The following IPP variants were observed in gnomAD, a reference collection of about 807,000 sequenced individuals.
The protein encoded by IPP is actin-binding protein IPP.
In IPP, 41 loss-of-function variants were observed where a neutral mutation model predicts 64.1. The ratio of observed to expected loss-of-function variants is 0.64; its 90% CI spans 0.50 to 0.83. IPP has a LOEUF of 0.83. Among genes scored for constraint, IPP ranks in the 40% least tolerant of loss-of-function variants. The pLI, the probability that IPP is intolerant of heterozygous loss-of-function variation, is 0.00. For synonymous variants in IPP, 214 were observed against 235.2 expected, an observed-to-expected ratio of 0.91 and a Z score of 0.83; for missense variants, 649 against 703.0, an observed-to-expected ratio of 0.92 and a Z score of 0.87.
intron 3 of IPP, among the ~76,000 whole-genome samples, chr1:45,736,444 G>A (rs969227136): frequency 7.2e-5 from 11 of 151,800 alleles, no homozygotes; most frequent in Non-Finnish European, 1.0e-4. Context: ...AAAAATCTAC[G>A]CATTTCATGT....
At chr1:45,727,099 G>T (rs1469459187) in intron 5 of IPP, among the ~76,000 whole-genome samples, 1 of 151,998 alleles carries the variant, frequency 6.6e-6, no homozygotes, top group Non-Finnish European at 1.5e-5. Context: ...ACCCAGGCTG[G>T]AGTACAGTGG....
intron 8 of IPP, among the ~76,000 whole-genome samples, chr1:45,704,576 T>C (rs1645493932): frequency 6.6e-6 from 1 of 152,070 alleles, no homozygotes; most frequent in African/African-American, 2.4e-5. Context: ...ATTTACAACA[T>C]GGAAAGGGAG....
intron 5 of IPP, among the ~76,000 whole-genome samples, chr1:45,720,512 A>C (rs1397177988): frequency 6.6e-6 from 1 of 152,242 alleles, no homozygotes; most frequent in East Asian, 1.9e-4. Flanking sequence ...ATTTTTTAAT[A>C]GATTTGACAA....
In IPP at chr1:45,699,816, A is replaced by G; in HGVS notation, c.*150T>C. 8 of 1,445,432 alleles carry G rather than the reference A, an allele frequency of 5.5e-6. No individual in the cohort carries two copies. The highest frequency in any genetic ancestry group is 7.2e-6 in the Non-Finnish European group (8 of 1,103,880). 89.5% of individuals were successfully genotyped at this position (1,445,432 alleles called of 1,614,324 possible). ...GTGCTGGGATTATAGGCATGAGGCC[A>G]CTGCGCCCAGCCTCGTTAGTCATTT... On this transcript the variant is annotated 3_prime_UTR_variant, in exon 9 of 9. Coordinates refer to ENST00000396478, the MANE Select transcript of IPP (RefSeq NM_005897.3).
chr1:45,698,636 T>C, downstream of IPP: 3 of 955,654 alleles, frequency 3.1e-6, no homozygotes, highest in Non-Finnish European at 2.5e-6. Flanking sequence ...AGCTTGATAA[T>C]CTAATAAAAT....
At chr1:45,701,721 A>G (rs1273879056) in intron 8 of IPP, among the ~76,000 whole-genome samples, 1 of 152,236 alleles carries the variant, frequency 6.6e-6, no homozygotes, top group Non-Finnish European at 1.5e-5. Flanking sequence ...ATCTTTAAAT[A>G]AAGCATATGA....
downstream of IPP, chr1:45,696,982 A>C (rs1287890240): frequency 2.0e-5 from 3 of 152,222 alleles, no homozygotes; most frequent in Non-Finnish European, 4.4e-5. Flanking sequence ...TAGTTGTAGA[A>C]GTATTTTGTA....
downstream of IPP, chr1:45,694,504 A>C: frequency 6.6e-7 from 1 of 1,526,558 alleles, no homozygotes; most frequent in Non-Finnish European, 8.9e-7. Flanking sequence ...AAAACCTCGT[A>C]TCTGTGAGTA....
intron 2 of IPP, among the ~76,000 whole-genome samples, chr1:45,743,818 C>T (rs1053106487): frequency 2.0e-5 from 3 of 151,470 alleles, no homozygotes; most frequent in East Asian, 3.9e-4. Flanking sequence ...TGAGACCAGC[C>T]GGGCCAACAT....
rs749635644 is a variant in IPP, at chr1:45,727,736, G to A, written c.943C>T (p.Arg315Cys). The change falls in exon 5 of 9, where the codon CGT (arginine) becomes TGT (cysteine). Residue 315 changes from arginine (R) to cysteine (C), a missense_variant. Physicochemically the swap from Arg to Cys is radical, Grantham distance 180. Coordinates refer to ENST00000396478, the MANE Select transcript of IPP (RefSeq NM_005897.3). ...SDSRALSCVE[R>C]FDTFSQYWTT... is the part of the protein sequence containing the mutation. The stretch of plus-strand genomic sequence containing the variant: ...CAGTACTGGCTAAAGGTGTCAAAAC[G>A]TTCTACACAGCTGAGGGCTCTGCTA... 12 of 1,597,186 alleles carry A rather than the reference G, an allele frequency of 7.5e-6. No individual in the cohort carries two copies. The highest frequency in any genetic ancestry group is 2.7e-5 in the African/African-American group (2 of 74,698).
chr1:45,747,988 AG>A (rs145671610), intron 1 of IPP, among the ~76,000 whole-genome samples: 4,527 of 151,666 alleles, frequency 0.03, 225 homozygotes, highest in African/African-American at 0.11. Flanking sequence ...GGCTGATGTT[AG>A]AAAAAAAATG....
chr1:45,720,435 C>G (rs959818691), intron 5 of IPP, among the ~76,000 whole-genome samples: 1 of 151,796 alleles, frequency 6.6e-6, no homozygotes, highest in South Asian at 2.1e-4. Flanking sequence ...AAAAAAGAGT[C>G]AATGTAAAGA....
In IPP at chr1:45,741,223, A is replaced by G; in HGVS notation, c.402T>C (p.Ile134=). Residue 134 remains isoleucine, a synonymous_variant, in exon 3 of 9, where the codon ATT becomes ATC. Transcript: ENST00000396478. ...AAATTCCAATGCAGTTCAGTGGATC[A>G]ATTTGTCCTTTCAGAAATTCACAGC... ...HLCCEFLKGQ[I]DPLNCIGIFQ... The G allele has an allele frequency of 6.2e-7, 1 of 1,614,184 alleles. No homozygotes were observed. The highest frequency in any genetic ancestry group is 8.5e-7 in the Non-Finnish European group (1 of 1,180,006).
At chr1:45,729,123 G>A (rs1264950210) in intron 4 of IPP, among the ~76,000 whole-genome samples, 6 of 146,166 alleles carry the variant, frequency 4.1e-5, no homozygotes, top group Non-Finnish European at 7.5e-5. Flanking sequence ...TCCAGCCTGG[G>A]AGACAGAGTA....
intron 3 of IPP, among the ~76,000 whole-genome samples, chr1:45,732,176 A>G (rs1191849253): frequency 2.0e-5 from 3 of 151,952 alleles, no homozygotes; most frequent in South Asian, 2.1e-4. Context: ...TCTGGCCAAC[A>G]TGGTGAAACC....
chr1:45,736,386 T>C (rs575405910), intron 3 of IPP, among the ~76,000 whole-genome samples: 4 of 152,256 alleles, frequency 2.6e-5, no homozygotes, highest in Non-Finnish European at 5.9e-5. Flanking sequence ...AATATTAAAT[T>C]GCCTAAATTA....
Position 45,716,942 on chromosome 1 carries a change from C to A in IPP, c.1262G>T (p.Gly421Val), listed in dbSNP as rs775962719. The A allele has an allele frequency of 1.8e-5, 29 of 1,612,444 alleles. No individual in the cohort carries two copies. The highest frequency in any genetic ancestry group is 5.9e-6 in the Non-Finnish European group (7 of 1,178,848). ...DPDENKWEVV[G>V]NMAVSRYYFG... is the part of the protein sequence containing the mutation. ...GTAGTAGCGTGACACAGCCATGTTACCAACTACTTCCCATTTATTTTCATC... is the reference window on the plus strand; with the variant it reads ...GTAGTAGCGTGACACAGCCATGTTAACAACTACTTCCCATTTATTTTCATC... The change falls in exon 7 of 9, where the codon GGT (glycine) becomes GTT (valine). Residue 421 changes from glycine to valine, a missense_variant. Coordinates refer to ENST00000396478, the MANE Select transcript of IPP (RefSeq NM_005897.3).
In IPP at chr1:45,699,159, C is replaced by G. The variant is rs764070498; in HGVS notation, c.*807G>C. ...GATCAAGACAAAAAATATGAGCAAG[C>G]AAAAACTTATCATCAAGCAAAAAGG... On this transcript the variant is annotated 3_prime_UTR_variant, in exon 9 of 9. Coordinates refer to ENST00000396478, the MANE Select transcript of IPP (RefSeq NM_005897.3). 12 of 985,338 alleles carry G rather than the reference C, an allele frequency of 1.2e-5. No homozygotes were observed. The highest frequency in any genetic ancestry group is 5.2e-4 in the Middle Eastern group (1 of 1,912). The allele number at this position is 985,338 out of a possible 1,614,324, so 61.0% of individuals were successfully genotyped here.
At chr1:45,724,553 C>T (rs1331210776) in intron 5 of IPP, among the ~76,000 whole-genome samples, 1 of 151,562 alleles carries the variant, frequency 6.6e-6, no homozygotes, top group Non-Finnish European at 1.5e-5. Flanking sequence ...TTCCCCGCCG[C>T]CATCCCATCT....
Sources: allele counts gnomAD v4.1 joint callset (sites outside exome capture counted in the v4.1 genomes callset), GRCh38; gene constraint gnomAD v4.1.1; transcripts MANE v1.5; gene names NCBI Gene and HGNC (gene_info 2026-07-23, HGNC 2026-07-21).